The following INPP4B variants were observed in gnomAD, a reference collection of about 807,000 sequenced individuals.
INPP4B encodes the protein inositol polyphosphate 4-phosphatase type II.
Under a neutral mutation model 122.5 loss-of-function variants are expected in INPP4B, and 55 were observed. That is an observed-to-expected ratio of 0.45 (90% CI 0.36 to 0.56). The LOEUF is 0.56. Ranked by LOEUF, INPP4B falls within the 20% of genes least tolerant of loss-of-function variation. The probability of loss-of-function intolerance (pLI) is 0.00; values close to 1 mark genes in which losing one functional copy is unlikely to be tolerated. For synonymous variants in INPP4B, 403 were observed against 388.7 expected (o/e 1.04, Z -0.43); for missense variants, 1,000 against 1,097.7 (o/e 0.91, Z 1.26).
At chr4:142,705,490 C>T (rs1762368917) in intron 2 of INPP4B, among the ~76,000 whole-genome samples, 1 of 150,454 alleles carries the variant, frequency 6.6e-6, no homozygotes, top group Non-Finnish European at 1.5e-5. Context: ...CACACACACA[C>T]ACACACACAA....
chr4:142,575,852 T>C (rs185965277), intron 2 of INPP4B, among the ~76,000 whole-genome samples: 5 of 152,192 alleles, frequency 3.3e-5, no homozygotes, highest in Non-Finnish European at 7.4e-5. Context: ...TACATCCTTT[T>C]TACCCTCTGG....
intron 2 of INPP4B, among the ~76,000 whole-genome samples, chr4:142,502,240 T>G (rs984711372): frequency 6.6e-6 from 1 of 152,156 alleles, no homozygotes; most frequent in Non-Finnish European, 1.5e-5. Flanking sequence ...TTTCTTGTTC[T>G]AAACCTCTTC....
chr4:142,624,454 G>C (rs1745808847), intron 2 of INPP4B, among the ~76,000 whole-genome samples: 1 of 151,904 alleles, frequency 6.6e-6, no homozygotes, highest in African/African-American at 2.4e-5. Flanking sequence ...GTTCATTGTA[G>C]ATGCTGGATA....
At chr4:142,576,466 C>A (rs1733869902) in intron 2 of INPP4B, among the ~76,000 whole-genome samples, 1 of 151,600 alleles carries the variant, frequency 6.6e-6, no homozygotes, top group Non-Finnish European at 1.5e-5. Flanking sequence ...ACTTCCTTAT[C>A]TGCACCATGG....
At chr4:142,083,619 T>C (rs1775268561) in intron 24 of INPP4B, among the ~76,000 whole-genome samples, 1 of 152,170 alleles carries the variant, frequency 6.6e-6, no homozygotes, top group Non-Finnish European at 1.5e-5. Context: ...ATAGCTAATC[T>C]AGAATTTATT....
rs555168194 is a variant in INPP4B at position 142,071,349 on chromosome 4, A to G, written c.2642+10682T>C. Among the ~76,000 whole-genome samples, 7 of 152,360 alleles carry G rather than the reference A, an allele frequency of 4.6e-5. No homozygotes were observed. In the East Asian group the frequency reaches 1.2e-3, roughly 25 times the overall value. ...CAAAAATTAATTCAAGATGGATTAA[A>G]GACTTAAACATTAGACCTAAAACCA... On this transcript the variant is annotated intron_variant, in intron 25 of 25. Coordinates refer to ENST00000262992, the MANE Select transcript of INPP4B (RefSeq NM_001101669.3).
At chr4:142,828,717 A>C (rs533445346) in intron 1 of INPP4B, among the ~76,000 whole-genome samples, 1 of 152,332 alleles carries the variant, frequency 6.6e-6, no homozygotes, top group South Asian at 2.1e-4. Flanking sequence ...CAGTTATTGA[A>C]CCTCGAGACT....
At position 142,024,981 on chromosome 4, in the gene INPP4B, A is replaced by G. The variant is rs899924162; in HGVS notation, c.*3801T>C. The G allele has an allele frequency of 1.3e-5, 2 of 152,290 alleles. No individual in the cohort carries two copies. Among genetic ancestry groups the G allele is most frequent in the Non-Finnish European group, 1.5e-5 (1 of 68,004 alleles). The allele number at this position is 152,290 out of a possible 1,614,324, so 9.4% of individuals were successfully genotyped here. On this transcript the variant is annotated 3_prime_UTR_variant, in exon 26 of 26. Coordinates refer to ENST00000262992, the MANE Select transcript of INPP4B (RefSeq NM_001101669.3). Reference sequence around the variant, plus strand: ...GGAGTCTTTAAAGAAGGTAAAAACCAAAACATTTATATAACCAAAATTATA... The same window carrying G: ...GGAGTCTTTAAAGAAGGTAAAAACCGAAACATTTATATAACCAAAATTATA...
At chr4:142,198,928 C>T (rs994487070) in intron 14 of INPP4B, among the ~76,000 whole-genome samples, 5 of 151,974 alleles carry the variant, frequency 3.3e-5, no homozygotes, top group African/African-American at 1.2e-4. Flanking sequence ...TTGTAAATTT[C>T]GTACTTAGGC....
At position 142,431,114 on chromosome 4, in the gene INPP4B, C is replaced by T. The variant is rs1014717652; in HGVS notation, c.91+55G>A. Reference sequence around the variant, plus strand: ...GCATGTATGTATGTGTAAGTTTCATCGGCCCAATTTGCATCTTTAGATGCA... The same window carrying T: ...GCATGTATGTATGTGTAAGTTTCATTGGCCCAATTTGCATCTTTAGATGCA... On this transcript the variant is annotated intron_variant, in intron 4 of 25. Coordinates refer to ENST00000262992, the MANE Select transcript of INPP4B (RefSeq NM_001101669.3). The T allele has an allele frequency of 2.6e-5, 35 of 1,323,504 alleles. 1 individual carries two copies. The highest frequency in any genetic ancestry group is 2.6e-4 in the African/African-American group (18 of 68,672). The allele number at this position is 1,323,504 out of a possible 1,614,324, so 82.0% of individuals were successfully genotyped here. A position where few individuals can be genotyped will look rare whatever the true frequency, so the allele number is the denominator to read the frequency against.
At chr4:142,352,202 GT>G (rs1378139071) in intron 7 of INPP4B, among the ~76,000 whole-genome samples, 2 of 151,830 alleles carry the variant, frequency 1.3e-5, no homozygotes, top group Non-Finnish European at 2.9e-5. Flanking sequence ...AGGAATTCCT[GT>G]ATAGTACAAC....
chr4:142,539,057 T>C (rs1828622975), intron 2 of INPP4B, among the ~76,000 whole-genome samples: 1 of 150,524 alleles, frequency 6.6e-6, no homozygotes. Context: ...TTTTTGTGAT[T>C]ATATATAATT....
intron 2 of INPP4B, among the ~76,000 whole-genome samples, chr4:142,711,753 T>A (rs1424842331): frequency 6.6e-6 from 1 of 152,050 alleles, no homozygotes; most frequent in East Asian, 1.9e-4. Flanking sequence ...GATGACCTTA[T>A]ATAAGAGGTG....
intron 11 of INPP4B, among the ~76,000 whole-genome samples, chr4:142,254,899 T>C (rs1055598306): frequency 1.3e-5 from 2 of 151,704 alleles, no homozygotes; most frequent in African/African-American, 2.4e-5. Context: ...AGACACATAA[T>C]TGTCAGATTC....
At chr4:142,124,462 G>A in intron 19 of INPP4B, 126 bp downstream of exon 19, 1 of 795,840 alleles carries the variant, frequency 1.3e-6, no homozygotes, top group Non-Finnish European at 2.0e-6. Context: ...AAGAAACATG[G>A]GATACCAAAA....
intron 12 of INPP4B, among the ~76,000 whole-genome samples, chr4:142,235,445 G>A (rs1856274570): frequency 6.6e-6 from 1 of 151,600 alleles, no homozygotes; most frequent in South Asian, 2.1e-4. Flanking sequence ...TTTTTGAGAC[G>A]GAGTCTCGCT....
intron 1 of INPP4B, among the ~76,000 whole-genome samples, chr4:142,808,065 T>A (rs973917703): frequency 3.9e-5 from 6 of 151,988 alleles, no homozygotes; most frequent in Non-Finnish European, 7.4e-5. Context: ...GCTATTTCTC[T>A]AAAGGAGCCC....
chr4:142,113,145 T>C (rs1791104054), intron 21 of INPP4B, among the ~76,000 whole-genome samples: 1 of 152,064 alleles, frequency 6.6e-6, no homozygotes, highest in Non-Finnish European at 1.5e-5. Flanking sequence ...TATGATGCGC[T>C]GATGGAAAGG....
chr4:142,301,286 C>G (rs1761289231), intron 9 of INPP4B, among the ~76,000 whole-genome samples: 1 of 152,064 alleles, frequency 6.6e-6, no homozygotes, highest in African/African-American at 2.4e-5. Flanking sequence ...ATTATTAAAC[C>G]TCTACTATGT....
Sources: gnomAD v4.1 joint callset for allele counts (sites outside exome capture counted in the v4.1 genomes callset) on GRCh38, gnomAD v4.1.1 for gene constraint, MANE v1.5 for transcripts, NCBI Gene and HGNC (gene_info 2026-07-23, HGNC 2026-07-21) for gene names.